ELFN1: variants seen among roughly 807,000 people sequenced by gnomAD.
The protein encoded by ELFN1 is protein ELFN1.
A neutral mutation model predicts 7.6 loss-of-function variants in ELFN1; 6 were observed. That is an observed-to-expected ratio of 0.79 (90% confidence interval 0.43 to 1.56). The LOEUF is 1.56. Ranked by LOEUF, ELFN1 falls within the 40% of genes most tolerant of loss-of-function variation. The pLI is 0.01. For missense variants in ELFN1, 1,169 were observed against 1,232.2 expected, an observed-to-expected ratio of 0.95 and a Z score of 0.77; for synonymous variants, 657 against 588.1, an observed-to-expected ratio of 1.12 and a Z score of -1.70.
intron 3 of ELFN1, among the ~76,000 whole-genome samples, chr7:1,717,444 G>T (rs1239788493): frequency 6.6e-6 from 1 of 152,206 alleles, no homozygotes; most frequent in Non-Finnish European, 1.5e-5. Context: ...CCAGGAAGGG[G>T]CAGGTGGAGG....
Position 1,744,463 on chromosome 7 carries a change from G to A in ELFN1, c.-134G>A, listed in dbSNP as rs996211842. The A allele has an allele frequency of 4.5e-6, 5 of 1,099,304 alleles. No homozygotes were observed. The highest frequency in any genetic ancestry group is 2.8e-5 in the East Asian group (1 of 35,360). The allele number at this position is 1,099,304 out of a possible 1,614,324, so 68.1% of individuals were successfully genotyped here. A position where few individuals can be genotyped will look rare whatever the true frequency, so the allele number is the denominator to read the frequency against. ...CGCGCTTACGTCGCGCGGCCATGCG[G>A]TTTGGGACAGGACACCCCTGAGAGT... On this transcript the variant is annotated 5_prime_UTR_variant, in exon 4 of 4. Coordinates refer to ENST00000424383, the MANE Select transcript of ELFN1 (RefSeq NM_001128636.4).
At chr7:1,722,058 C>T (rs1321156106) in intron 3 of ELFN1, among the ~76,000 whole-genome samples, 1 of 152,120 alleles carries the variant, frequency 6.6e-6, no homozygotes, top group Admixed American at 6.5e-5. Context: ...TGGTCAGGGG[C>T]CCGGGTGGCC....
At chr7:1,700,722 C>A (rs976190574) in intron 2 of ELFN1, among the ~76,000 whole-genome samples, 1 of 152,244 alleles carries the variant, frequency 6.6e-6, no homozygotes, top group Non-Finnish European at 1.5e-5. Context: ...ACCCTCAGGA[C>A]AGCGGACGAG....
rs117122841 is a variant in ELFN1, at chr7:1,689,997, C to T, written c.-456+1847C>T. Among the ~76,000 whole-genome samples the T allele has an allele frequency of 3.0e-3, 453 of 152,302 alleles. 9 individuals carry two copies. In the East Asian group the frequency reaches 0.05, roughly 17 times the overall value. ...TAGGAATTGGGGATTGGGACTCTAG[C>T]CCTAGCACACAACTGGCACATTCCC... is the stretch of plus-strand genomic sequence containing the variant. On this transcript the variant is annotated intron_variant, in intron 2 of 3. Coordinates refer to ENST00000424383, the MANE Select transcript of ELFN1 (RefSeq NM_001128636.4).
At position 1,673,784 on chromosome 7, in the gene ELFN1, C is replaced by CG. The variant is rs1416666008; in HGVS notation, c.-549+3432dup. On this transcript the variant is annotated intron_variant, in intron 1 of 3. Coordinates refer to ENST00000424383, the MANE Select transcript of ELFN1 (RefSeq NM_001128636.4). The surrounding 1 kb of genome is among the most constrained non-coding windows in gnomAD (Gnocchi z 4.7). Reference sequence around the variant, plus strand: ...GTCCAGCCCCTGAAGATGGTCCAGCCGGTCCATTTTCCAGAAGGGTCCAGC... The same window carrying CG: ...GTCCAGCCCCTGAAGATGGTCCAGCCGGGTCCATTTTCCAGAAGGGTCCAGC... 6.6e-6 allele frequency among the ~76,000 whole-genome samples: 1 copy of CG among 152,040 alleles called. No individual in the cohort carries two copies. Among genetic ancestry groups the CG allele is most frequent in the Non-Finnish European group, 1.5e-5 (1 of 67,886 alleles).
At chr7:1,683,768 G>T (rs564234404) in intron 1 of ELFN1, among the ~76,000 whole-genome samples, 1 of 152,322 alleles carries the variant, frequency 6.6e-6, no homozygotes, top group South Asian at 2.1e-4. Context: ...ATATTCCTGA[G>T]ATACTGACAT....
At position 1,682,916 on chromosome 7, in the gene ELFN1, G is replaced by A. The variant is rs117173643; in HGVS notation, c.-548-5142G>A. Among the ~76,000 whole-genome samples, 870 of 152,216 alleles carry A rather than the reference G, an allele frequency of 5.7e-3. 4 individuals are homozygous for A. Among genetic ancestry groups the A allele is most frequent in the Non-Finnish European group, 9.5e-3 (645 of 68,016 alleles). On this transcript the variant is annotated intron_variant, in intron 1 of 3. Coordinates refer to ENST00000424383, the MANE Select transcript of ELFN1 (RefSeq NM_001128636.4). Reference sequence around the variant, plus strand: ...TTATTGAGAGTTTTTCTGTGAATGGGTGTTGGATTTTGTCAAATTATTTTT... The same window carrying A: ...TTATTGAGAGTTTTTCTGTGAATGGATGTTGGATTTTGTCAAATTATTTTT...
rs562795572 is a variant in ELFN1, at chr7:1,709,072, C to A, written c.-455-19C>A. 10 of 152,358 alleles carry A rather than the reference C, an allele frequency of 6.6e-5. No individual in the cohort carries two copies. In the East Asian group the frequency reaches 1.9e-3, roughly 29 times the overall value. 9.4% of individuals were successfully genotyped at this position (152,358 alleles called of 1,614,324 possible). A position where few individuals can be genotyped will look rare whatever the true frequency, so the allele number is the denominator to read the frequency against. On this transcript the variant is annotated intron_variant, in intron 2 of 3. Coordinates refer to ENST00000424383, the MANE Select transcript of ELFN1 (RefSeq NM_001128636.4). The stretch of plus-strand genomic sequence containing the variant: ...ATGCTCCATCTCTCCTCAACCTCCT[C>A]CCCTCTGTCTCTGTGCAGGTGCAGC...
intron 2 of ELFN1, chr7:1,693,891 T>TC (rs1264696836): frequency 2.4e-6 from 1 of 416,248 alleles, no homozygotes; most frequent in Admixed American, 2.7e-5. Flanking sequence ...TCCTCCCCAG[T>TC]CCATGCCACC....
chr7:1,706,268 C>A (rs1190105608), intron 2 of ELFN1, among the ~76,000 whole-genome samples: 1 of 152,090 alleles, frequency 6.6e-6, no homozygotes, highest in Non-Finnish European at 1.5e-5. Flanking sequence ...ACTAAAAATA[C>A]AAAAATTAGC....
chr7:1,683,199 G>T lies in ELFN1; in HGVS notation c.-548-4859G>T, dbSNP rs1779006480. Among the ~76,000 whole-genome samples the T allele has an allele frequency of 2.7e-5, 4 of 150,652 alleles. No homozygotes were observed. The South Asian group carries it at 8.6e-4, about 32-fold the overall frequency. On this transcript the variant is annotated intron_variant, in intron 1 of 3. Coordinates refer to ENST00000424383, the MANE Select transcript of ELFN1 (RefSeq NM_001128636.4). ...CCTTTTTTTTTTTGAATGAGTTTGT[G>T]AAGTTTTGATATTATTTCTTTAAAT...
chr7:1,679,557 A>T (rs1036891161), intron 1 of ELFN1, among the ~76,000 whole-genome samples: 2 of 152,120 alleles, frequency 1.3e-5, no homozygotes, highest in African/African-American at 4.8e-5. Flanking sequence ...CTGCTGCCTC[A>T]GCCCCGTCCC....
At chr7:1,743,130 G>A (rs1041731219) in intron 3 of ELFN1, among the ~76,000 whole-genome samples, 1 of 152,118 alleles carries the variant, frequency 6.6e-6, no homozygotes, top group African/African-American at 2.4e-5. Flanking sequence ...GGGATGCCTC[G>A]CTCCCCGGAC....
intron 3 of ELFN1, among the ~76,000 whole-genome samples, chr7:1,715,191 T>C (rs955548910): frequency 6.6e-6 from 1 of 152,206 alleles, no homozygotes; most frequent in Admixed American, 6.5e-5. Flanking sequence ...GGTTGGTGCT[T>C]ACTATATGTC....
At chr7:1,667,589 G>A (rs1388668164), upstream of ELFN1, among the ~76,000 whole-genome samples, 1 of 152,154 alleles carries the variant, frequency 6.6e-6, no homozygotes, top group African/African-American at 2.4e-5. This position sits in a 1 kb window ranked among gnomAD's most constrained non-coding sequence, Gnocchi z 8.2. Flanking sequence ...TGGATTTGAG[G>A]ATCTGGGGGA....
intron 2 of ELFN1, among the ~76,000 whole-genome samples, chr7:1,690,360 G>T (rs1480702143): frequency 6.6e-6 from 1 of 151,146 alleles, no homozygotes; most frequent in East Asian, 2.0e-4. Context: ...TGGATGGATG[G>T]GTGGGTGGGT....
In ELFN1 at chr7:1,697,599, A is replaced by T. The variant is rs371679223; in HGVS notation, c.-456+9449A>T. The stretch of plus-strand genomic sequence containing the variant: ...CGCACCCAGGGGTACAATTGGGAAA[A>T]TCGGTATTTGCCAAATTTGCAACAA... On this transcript the variant is annotated intron_variant, in intron 2 of 3. Coordinates refer to ENST00000424383, the MANE Select transcript of ELFN1 (RefSeq NM_001128636.4). Among the ~76,000 whole-genome samples, 5 of 152,092 alleles carry T rather than the reference A, an allele frequency of 3.3e-5. No homozygotes were observed. The South Asian group carries it at 1.0e-3, about 32-fold the overall frequency.
At chr7:1,737,615 AG>A (rs1247800737) in intron 3 of ELFN1, among the ~76,000 whole-genome samples, 1 of 152,100 alleles carries the variant, frequency 6.6e-6, no homozygotes, top group Non-Finnish European at 1.5e-5. Context: ...TGAAGTGGCC[AG>A]CTCATTCCAT....
Position 1,746,768 on chromosome 7 carries a change from G to A in ELFN1, c.2172G>A (p.Pro724=), listed in dbSNP as rs765720283. Residue 724 remains proline, a synonymous_variant, in exon 4 of 4, where the codon CCG becomes CCA. Transcript: ENST00000424383. ...EPPAPPGPPP[P]PPHEGLGRKA... is the part of the protein sequence containing the mutation. ...CTGCGCCCCCCGGGCCACCGCCGCCGCCTCCGCACGAGGGCCTGGGGCGCA... is the reference window on the plus strand; with the variant it reads ...CTGCGCCCCCCGGGCCACCGCCGCCACCTCCGCACGAGGGCCTGGGGCGCA... 2.1e-5 allele frequency: 31 copies of A among 1,510,076 alleles called. No individual in the cohort carries two copies. Among genetic ancestry groups the A allele is most frequent in the Middle Eastern group, 1.7e-4 (1 of 5,786 alleles). 93.5% of individuals were successfully genotyped at this position (1,510,076 alleles called of 1,614,324 possible). A position where few individuals can be genotyped will look rare whatever the true frequency, so the allele number is the denominator to read the frequency against.
Sources: allele counts gnomAD v4.1 joint callset (sites outside exome capture counted in the v4.1 genomes callset), GRCh38; gene constraint gnomAD v4.1.1; non-coding constraint Gnocchi (gnomAD v3.1); transcripts MANE v1.5; gene names NCBI Gene and HGNC (gene_info 2026-07-23, HGNC 2026-07-21).